RAC2: variants seen among roughly 807,000 people sequenced by gnomAD.
RAC2 encodes the protein Rac family small GTPase 2.
RAC2 carries 1 observed loss-of-function variant against 24.0 expected under a neutral mutation model. That is an observed-to-expected ratio of 0.04 (90% confidence interval 0.01 to 0.20). The LOEUF (loss-of-function observed/expected upper bound fraction) is 0.20. Among genes scored for constraint, RAC2 ranks in the 10% least tolerant of loss-of-function variants. The pLI is 1.00. For synonymous variants in RAC2, 114 were observed against 106.8 expected, an observed-to-expected ratio of 1.07 and a Z score of -0.41; for missense variants, 130 against 259.1, an observed-to-expected ratio of 0.50 and a Z score of 3.42.
rs1238962288 is a variant in RAC2, at chr22:37,231,218, C to A, written c.448+13G>T. 3 of 1,612,752 alleles carry A rather than the reference C, an allele frequency of 1.9e-6. No individual in the cohort carries two copies. The African/African-American group carries it at 4.0e-5, about 22-fold the overall frequency. On this transcript the variant is annotated intron_variant, in intron 5 of 6. Coordinates refer to ENST00000249071, the MANE Select transcript of RAC2 (RefSeq NM_002872.5). The surrounding 1 kb of genome is among the most constrained non-coding windows in gnomAD (Gnocchi z 5.5). ...CTGCAGCCAGATCGCCCCTCTGAGC[C>A]CGAGGCCCATACCAATCTCCTTGGC...
At position 37,231,210 on chromosome 22, in the gene RAC2, C is replaced by T. The variant is rs1280793094; in HGVS notation, c.448+21G>A. On this transcript the variant is annotated intron_variant, in intron 5 of 6. Transcript: ENST00000249071. This position sits in a 1 kb window ranked among gnomAD's most constrained non-coding sequence, Gnocchi z 5.5. ...GGCCTCCCCTGCAGCCAGATCGCCC[C>T]TCTGAGCCCGAGGCCCATACCAATC... 1.2e-6 allele frequency: 2 copies of T among 1,612,640 alleles called. No individual in the cohort carries two copies. Among genetic ancestry groups the T allele is most frequent in the Admixed American group, 1.7e-5 (1 of 60,016 alleles).
intron 2 of RAC2, chr22:37,240,763 G>A (rs768992776): frequency 4.8e-5 from 23 of 483,700 alleles, no homozygotes; most frequent in Non-Finnish European, 7.5e-5. Flanking sequence ...AAGGCTTCCC[G>A]GAGGAGGGGG....
chr22:37,232,691 T>G (rs879408057), intron 3 of RAC2, 110 bp downstream of exon 3: 1 of 894,082 alleles, frequency 1.1e-6, no homozygotes, highest in Non-Finnish European at 1.8e-6. Flanking sequence ...GAGCTGGGCC[T>G]TAAGGGGAGA....
intron 1 of RAC2, among the ~76,000 whole-genome samples, chr22:37,242,742 A>G (rs1272320277): frequency 6.6e-6 from 1 of 152,244 alleles, no homozygotes; most frequent in Admixed American, 6.5e-5. Context: ...ATAAGGAGCC[A>G]TGCATCAGAA....
intron 2 of RAC2, among the ~76,000 whole-genome samples, chr22:37,235,124 C>T (rs188156247): frequency 3.0e-4 from 46 of 152,216 alleles, no homozygotes; most frequent in Non-Finnish European, 5.1e-4. Flanking sequence ...CCTCAGAGAA[C>T]GCTACTCAAT....
rs1000316571 is a variant in RAC2 at position 37,231,725 on chromosome 22, G to T, written c.288+207C>A. The stretch of plus-strand genomic sequence containing the variant: ...GAGAATGCAGCCATGGAAAGTGGGG[G>T]TATAGCTAACTATCGCAGCACCCCC... On this transcript the variant is annotated intron_variant, in intron 4 of 6. Coordinates refer to ENST00000249071, the MANE Select transcript of RAC2 (RefSeq NM_002872.5). The surrounding 1 kb of genome is among the most constrained non-coding windows in gnomAD (Gnocchi z 5.5). Among the ~76,000 whole-genome samples, 2 of 152,030 alleles carry T rather than the reference G, an allele frequency of 1.3e-5. No individual in the cohort carries two copies. The highest frequency in any genetic ancestry group is 6.6e-5 in the Admixed American group (1 of 15,260).
intron 6 of RAC2, 35 bp downstream of exon 6, chr22:37,226,636 T>A: frequency 6.2e-7 from 1 of 1,610,120 alleles, no homozygotes; most frequent in Non-Finnish European, 8.5e-7. Context: ...GCCTGCTGTG[T>A]ATGGGAGTTG....
At chr22:37,238,597 G>A (rs1402998130) in intron 2 of RAC2, among the ~76,000 whole-genome samples, 1 of 152,204 alleles carries the variant, frequency 6.6e-6, no homozygotes, top group Non-Finnish European at 1.5e-5. Flanking sequence ...CTAACGAGGT[G>A]AGGTGTAAGG....
intron 2 of RAC2, among the ~76,000 whole-genome samples, chr22:37,235,197 C>T (rs1898546288): frequency 6.6e-6 from 1 of 152,114 alleles, no homozygotes; most frequent in South Asian, 2.1e-4. Context: ...TGAGAGGAGT[C>T]CCCCACACCC....
intron 2 of RAC2, among the ~76,000 whole-genome samples, chr22:37,237,227 GGGA>G (rs1165957760): frequency 6.7e-6 from 1 of 149,912 alleles, no homozygotes; most frequent in Admixed American, 6.6e-5. Context: ...GAGGAAGGGA[GGGA>G]GGGAAGGAGG....
intron 1 of RAC2, 33 bp downstream of exon 1, chr22:37,244,081 G>T (rs758489377): frequency 6.2e-7 from 1 of 1,613,594 alleles, no homozygotes; most frequent in South Asian, 1.1e-5. Context: ...CATCCCAGTT[G>T]GGGGCTGTGA....
chr22:37,236,773 G>A (rs1043387169), intron 2 of RAC2, among the ~76,000 whole-genome samples: 9 of 152,198 alleles, frequency 5.9e-5, no homozygotes, highest in South Asian at 4.1e-4. Flanking sequence ...CATGGCTAGT[G>A]ACTTGGGGGT....
chr22:37,241,245 C>A, intron 2 of RAC2: 1 of 737,078 alleles, frequency 1.4e-6, no homozygotes, highest in South Asian at 1.4e-5. Flanking sequence ...CTCTCTGGAT[C>A]ACCTCCTCCA....
In RAC2 at chr22:37,232,848, C is replaced by T; in HGVS notation, c.178G>A (p.Gly60Arg). Residue 60 changes from glycine to arginine, a missense_variant, in exon 3 of 7, where the codon GGG becomes AGG. Physicochemically the swap from Gly to Arg is moderately radical, Grantham distance 125. Coordinates refer to ENST00000249071, the MANE Select transcript of RAC2 (RefSeq NM_002872.5). ...PVNLGLWDTA[G>R]QEDYDRLRPL... ...CGGAGACGGTCGTAGTCCTCCTGCC[C>T]AGCAGTGTCCCACAGCCCCAGGTTC... 6.2e-7 allele frequency: 1 copy of T among 1,614,090 alleles called. No homozygotes were observed. The highest frequency in any genetic ancestry group is 1.3e-5 in the African/African-American group (1 of 75,026).
chr22:37,244,084 G>C (rs901842738), intron 1 of RAC2, 30 bp downstream of exon 1: 1 of 1,614,032 alleles, frequency 6.2e-7, no homozygotes, highest in Admixed American at 1.7e-5. Context: ...CCCAGTTGGG[G>C]GCTGTGAGGA....
At chr22:37,235,624 C>T (rs968030275) in intron 2 of RAC2, among the ~76,000 whole-genome samples, 1 of 152,242 alleles carries the variant, frequency 6.6e-6, no homozygotes, top group Non-Finnish European at 1.5e-5. Context: ...CTGGGTACCA[C>T]CTACACTGCT....
chr22:37,235,786 G>T (rs1569090920), intron 2 of RAC2, among the ~76,000 whole-genome samples: 1 of 152,208 alleles, frequency 6.6e-6, no homozygotes, highest in East Asian at 1.9e-4. Flanking sequence ...CACAGTGCTA[G>T]TGCCAAGAAG....
intron 1 of RAC2, among the ~76,000 whole-genome samples, chr22:37,242,521 G>A (rs926459149): frequency 1.3e-5 from 2 of 152,168 alleles, no homozygotes; most frequent in East Asian, 3.8e-4. Context: ...CAGAGGCCAA[G>A]GGACAGCTCT....
chr22:37,237,381 G>A (rs1171756123), intron 2 of RAC2, among the ~76,000 whole-genome samples: 2 of 152,118 alleles, frequency 1.3e-5, no homozygotes, highest in Non-Finnish European at 2.9e-5. Flanking sequence ...GTGTCACGGG[G>A]CAGGGAGAGG....
Sources: gnomAD v4.1 joint callset for allele counts (sites outside exome capture counted in the v4.1 genomes callset) on GRCh38, gnomAD v4.1.1 for gene constraint, Gnocchi (gnomAD v3.1) non-coding constraint, MANE v1.5 for transcripts, NCBI Gene and HGNC (gene_info 2026-07-23, HGNC 2026-07-21) for gene names.